The following CEP63 variants were observed in gnomAD, a reference collection of about 807,000 sequenced individuals.
The protein encoded by CEP63 is centrosomal protein 63.
Under a neutral mutation model 89.1 loss-of-function variants are expected in CEP63, and 84 were observed. The observed-to-expected ratio is 0.94, with a 90% confidence interval of 0.79 to 1.13. The LOEUF (loss-of-function observed/expected upper bound fraction) is 1.13, where lower values mean the gene tolerates loss of function less well. CEP63 is among the 50% of genes most tolerant of loss of function. The pLI is 0.00. For missense variants in CEP63, 838 were observed against 813.3 expected, an observed-to-expected ratio of 1.03 and a Z score of -0.37; for synonymous variants, 267 against 272.5, an observed-to-expected ratio of 0.98 and a Z score of 0.20.
At chr3:134,760,458 G>A in the CEP63 span, among the ~76,000 whole-genome samples, 5 of 152,308 alleles carry the variant, frequency 3.3e-5, no homozygotes, top group Non-Finnish European at 7.3e-5. Flanking sequence ...AAGTGATGAG[G>A]TCCAGGGAAA....
At chr3:134,769,397 A>G in the CEP63 span, among the ~76,000 whole-genome samples, 3 of 152,226 alleles carry the variant, frequency 2.0e-5, no homozygotes, top group Non-Finnish European at 2.9e-5. Flanking sequence ...ATTCTAGCAC[A>G]GTGAGTCTCA....
the CEP63 span, among the ~76,000 whole-genome samples, chr3:134,671,380 G>A: frequency 6.6e-6 from 1 of 152,104 alleles, no homozygotes; most frequent in Non-Finnish European, 1.5e-5. Context: ...TCACCTATTG[G>A]GTACGATGTT....
chr3:134,544,154 A>G (rs1577243809), intron 6 of CEP63, among the ~76,000 whole-genome samples: 1 of 152,322 alleles, frequency 6.6e-6, no homozygotes, highest in East Asian at 1.9e-4. Flanking sequence ...TAAATCTGCA[A>G]TAGATAGATT....
At chr3:134,517,132 G>A (rs566797473) in intron 3 of CEP63, among the ~76,000 whole-genome samples, 8 of 152,228 alleles carry the variant, frequency 5.3e-5, no homozygotes, top group African/African-American at 4.8e-5. Context: ...TCAATAGCAC[G>A]TCCTTTATTA....
At chr3:134,567,239 G>T (rs1160659108), downstream of CEP63, among the ~76,000 whole-genome samples, 1 of 150,992 alleles carries the variant, frequency 6.6e-6, no homozygotes, top group East Asian at 2.0e-4. Flanking sequence ...AAATAGATTG[G>T]TAGTTGCTAG....
chr3:134,527,953 C>T (rs1323585506), intron 3 of CEP63, among the ~76,000 whole-genome samples: 1 of 152,150 alleles, frequency 6.6e-6, no homozygotes, highest in Non-Finnish European at 1.5e-5. Flanking sequence ...CCTGGCCATG[C>T]CCCACCACAG....
intron 6 of CEP63, among the ~76,000 whole-genome samples, chr3:134,541,753 TC>T (rs62717060): frequency 0.31 from 47,714 of 151,766 alleles, 7,737 homozygotes; most frequent in African/African-American, 0.35. Context: ...CCTCAAGTGA[TC>T]CACCCGCCTC....
rs760219533 is a variant in CEP63 at position 134,559,427 on chromosome 3, T to C, written c.1951T>C (p.Ser651Pro). 6 of 1,612,660 alleles carry C rather than the reference T, an allele frequency of 3.7e-6. No individual in the cohort carries two copies. The South Asian group carries it at 6.6e-5, about 18-fold the overall frequency. Residue 651 changes from serine (S) to proline (P), a missense_variant and splice_region_variant, in exon 14 of 15, where the codon TCG becomes CCG. Transcript: ENST00000675561. ...SMNDQEEFIS[S>P]CSLPVSPLGS... ...GAATGACCAAGAAGAGTTTATATCTTCGGTATGGAAACTTTCTGATCTTAG... is the reference window on the plus strand; with the variant it reads ...GAATGACCAAGAAGAGTTTATATCTCCGGTATGGAAACTTTCTGATCTTAG...
intron 9 of CEP63, among the ~76,000 whole-genome samples, 157 bp from the exon 10 acceptor site, chr3:134,548,905 T>G (rs966422441): frequency 6.6e-6 from 1 of 152,230 alleles, no homozygotes; most frequent in African/African-American, 2.4e-5. Flanking sequence ...CACAGTTTTT[T>G]TATTGATTGG....
chr3:134,514,380 G>GA (rs1319965588), intron 3 of CEP63, among the ~76,000 whole-genome samples: 2 of 151,802 alleles, frequency 1.3e-5, no homozygotes, highest in Admixed American at 6.6e-5. Context: ...CCCTGAAGGA[G>GA]AAAAAAAATG....
rs554624826 is a variant in CEP63, at chr3:134,583,656, T to A, written c.1207-3802T>A. Among the ~76,000 whole-genome samples the A allele has an allele frequency of 5.0e-3, 768 of 152,250 alleles. 7 individuals carry two copies. The highest frequency in any genetic ancestry group is 9.0e-3 in the Admixed American group (137 of 15,276). On this transcript the variant is annotated intron_variant, in intron 10 of 10. Transcript: ENST00000683931. ...TCTTTTTGCTTAGGATTGTCTTGGC[T>A]ATGAGGGCTCTTTTTTGGTTCCATA...
At chr3:134,674,377 C>T in the CEP63 span, among the ~76,000 whole-genome samples, 1 of 152,088 alleles carries the variant, frequency 6.6e-6, no homozygotes, top group African/African-American at 2.4e-5. Context: ...AAGCATTTGA[C>T]AAAATCTAAC....
the CEP63 span, among the ~76,000 whole-genome samples, chr3:134,744,464 C>T: frequency 6.6e-6 from 1 of 152,160 alleles, no homozygotes; most frequent in Admixed American, 6.5e-5. Flanking sequence ...TGGGAAGAAG[C>T]ATTCCACTGG....
At chr3:134,709,661 C>T in the CEP63 span, among the ~76,000 whole-genome samples, 10 of 152,326 alleles carry the variant, frequency 6.6e-5, no homozygotes, top group Admixed American at 1.3e-4. Context: ...CAGTGCAGCA[C>T]TTGCTCATAA....
In CEP63 at chr3:134,559,411, A is replaced by G. The variant is rs1956931947; in HGVS notation, c.1935A>G (p.Gln645=). The change falls in exon 14 of 15, where the codon CAA becomes CAG. Residue 645 remains glutamine (Q), a synonymous_variant. Transcript: ENST00000675561. Reference sequence around the variant, plus strand: ...CTATGTCTGAGAGTATGAATGACCAAGAAGAGTTTATATCTTCGGTATGGA... The same window carrying G: ...CTATGTCTGAGAGTATGAATGACCAGGAAGAGTTTATATCTTCGGTATGGA... The part of the protein sequence containing the change: ...SDTMSESMND[Q]EEFISSCSLP... 9 of 1,613,870 alleles carry G rather than the reference A, an allele frequency of 5.6e-6. No homozygotes were observed. Among genetic ancestry groups the G allele is most frequent in the Non-Finnish European group, 7.6e-6 (9 of 1,179,748 alleles).
At chr3:134,619,291 A>G in the CEP63 span, 1 of 1,571,214 alleles carries the variant, frequency 6.4e-7, no homozygotes, top group Admixed American at 1.7e-5. Context: ...GGGGATCATG[A>G]AGAGCTTGAG....
chr3:134,766,800 C>G, the CEP63 span, among the ~76,000 whole-genome samples: 1 of 152,162 alleles, frequency 6.6e-6, no homozygotes, highest in Non-Finnish European at 1.5e-5. Flanking sequence ...GAAGGAGAAA[C>G]CTGTACTCAT....
chr3:134,701,423 C>T, the CEP63 span, among the ~76,000 whole-genome samples: 2 of 88,240 alleles, frequency 2.3e-5, no homozygotes, highest in African/African-American at 8.7e-5. Flanking sequence ...CATATATATA[C>T]GTATATATGT....
intron 3 of CEP63, among the ~76,000 whole-genome samples, chr3:134,518,934 A>G (rs1034784656): frequency 4.6e-5 from 7 of 152,120 alleles, no homozygotes; most frequent in Middle Eastern, 3.2e-3. Flanking sequence ...GGGGAAAATA[A>G]CTAATGTTAG....
Sources: allele counts gnomAD v4.1 joint callset (sites outside exome capture counted in the v4.1 genomes callset), GRCh38; gene constraint gnomAD v4.1.1; transcripts MANE v1.5; gene names NCBI Gene and HGNC (gene_info 2026-07-23, HGNC 2026-07-21).